RPRD2: variants seen among roughly 807,000 people sequenced by gnomAD.
RPRD2 encodes regulation of nuclear pre-mRNA domain containing 2, also known as regulation of nuclear pre-mRNA domain-containing protein 2.
In RPRD2, 12 loss-of-function variants were observed where a neutral mutation model predicts 104.4. The ratio of observed to expected loss-of-function variants is 0.11; its 90% CI spans 0.07 to 0.19. The LOEUF (loss-of-function observed/expected upper bound fraction) is 0.19, where lower values mean the gene tolerates loss of function less well. Among genes scored for constraint, RPRD2 ranks in the 10% least tolerant of loss-of-function variants. The pLI is 1.00. For synonymous variants in RPRD2, 714 were observed against 684.9 expected (o/e 1.04, Z -0.66); for missense variants, 1,543 against 1,790.1 (o/e 0.86, Z 2.49).
intron 7 of RPRD2, among the ~76,000 whole-genome samples, chr1:150,446,833 C>CTTTTTTTTTT (rs782290005): frequency 7.8e-6 from 1 of 127,512 alleles, no homozygotes; most frequent in African/African-American, 3.0e-5. Context: ...AGACCTGGGT[C>CTTTTTTTTTT]TTTTTTTTTT....
chr1:150,443,396 T>A, intron 5 of RPRD2, 113 bp downstream of exon 5: 2 of 787,400 alleles, frequency 2.5e-6, no homozygotes, highest in Non-Finnish European at 4.0e-6. Flanking sequence ...TGTCATGTTT[T>A]AAACATGCAT....
chr1:150,436,323 C>T (rs587741732), intron 2 of RPRD2, among the ~76,000 whole-genome samples: 3 of 152,138 alleles, frequency 2.0e-5, no homozygotes, highest in African/African-American at 4.8e-5. Context: ...ACAAACCGGC[C>T]GGGCATGGTG....
chr1:150,464,369 T>TC (rs35296623), intron 9 of RPRD2, among the ~76,000 whole-genome samples, 158 bp from the exon 10 acceptor site: 87 of 127,196 alleles, frequency 6.8e-4, no homozygotes, highest in Middle Eastern at 3.5e-3. Context: ...AGGGTTTTTT[T>TC]TTTTTTTTTT....
At chr1:150,405,726 TAAAC>T (rs1311409116) in intron 1 of RPRD2, among the ~76,000 whole-genome samples, 12 of 152,188 alleles carry the variant, frequency 7.9e-5, no homozygotes, top group Non-Finnish European at 1.5e-4. Flanking sequence ...ATTGTAGAAA[TAAAC>T]AGTTCATAAG....
At chr1:150,442,381 A>T (rs1430468330) in intron 4 of RPRD2, among the ~76,000 whole-genome samples, 2 of 152,102 alleles carry the variant, frequency 1.3e-5, no homozygotes, top group Admixed American at 6.6e-5. Flanking sequence ...GATTTGGGGG[A>T]TATACTCTAC....
At chr1:150,419,365 C>CA in intron 2 of RPRD2, among the ~76,000 whole-genome samples, 1 of 152,232 alleles carries the variant, frequency 6.6e-6, no homozygotes, top group South Asian at 2.1e-4. Context: ...ATGATCCTGT[C>CA]AAATTATGGA....
At chr1:150,456,627 T>TAAA (rs149595688) in intron 7 of RPRD2, among the ~76,000 whole-genome samples, 1 of 143,798 alleles carries the variant, frequency 7.0e-6, no homozygotes, top group East Asian at 2.0e-4. Context: ...AAATTTTATT[T>TAAA]AAAAAAAAAA....
intron 1 of RPRD2, among the ~76,000 whole-genome samples, chr1:150,402,221 G>A (rs1663090686): frequency 6.6e-6 from 1 of 152,158 alleles, no homozygotes; most frequent in Non-Finnish European, 1.5e-5. Flanking sequence ...GCCTCTGAAA[G>A]TGCTGGGATT....
intron 10 of RPRD2, among the ~76,000 whole-genome samples, chr1:150,470,172 T>G (rs587732097): frequency 6.6e-6 from 1 of 152,194 alleles, no homozygotes; most frequent in South Asian, 2.1e-4. Flanking sequence ...GAGAAACACT[T>G]CCACAGATCA....
intron 1 of RPRD2, among the ~76,000 whole-genome samples, chr1:150,377,833 A>G (rs1216903276): frequency 1.3e-5 from 2 of 152,134 alleles, no homozygotes; most frequent in Non-Finnish European, 2.9e-5. Flanking sequence ...TATAAAAAAT[A>G]TGAATTTATA....
intron 1 of RPRD2, among the ~76,000 whole-genome samples, chr1:150,397,954 A>G (rs782353730): frequency 6.6e-6 from 1 of 151,484 alleles, no homozygotes; most frequent in Non-Finnish European, 1.5e-5. Flanking sequence ...GCCTTGAGCA[A>G]CACACAAACA....
At chr1:150,399,629 C>T (rs782285419) in intron 1 of RPRD2, among the ~76,000 whole-genome samples, 4 of 151,436 alleles carry the variant, frequency 2.6e-5, no homozygotes, top group South Asian at 2.1e-4. Context: ...TGATGGTGGG[C>T]GCCTGTAATC....
intron 2 of RPRD2, among the ~76,000 whole-genome samples, chr1:150,423,714 C>T (rs1455069797): frequency 1.3e-5 from 2 of 151,938 alleles, no homozygotes; most frequent in African/African-American, 2.4e-5. Context: ...AGAAAATGCT[C>T]ATTGGAGCAT....
intron 5 of RPRD2, among the ~76,000 whole-genome samples, chr1:150,443,631 A>G (rs1666548775): frequency 6.6e-6 from 1 of 152,230 alleles, no homozygotes; most frequent in African/African-American, 2.4e-5. Context: ...GAGAGGCTAT[A>G]TAAATGGACC....
At chr1:150,401,004 G>A (rs1037599596) in intron 1 of RPRD2, among the ~76,000 whole-genome samples, 3 of 151,694 alleles carry the variant, frequency 2.0e-5, no homozygotes, top group Admixed American at 1.3e-4. Flanking sequence ...GTGAAACTCC[G>A]TCTCTACTAA....
Position 150,471,367 on chromosome 1 carries a change from A to G in RPRD2, c.2419A>G (p.Met807Val). ...ESPYKQPSDG[M>V]ERPSSLMDSS... ...TCCCTATAAGCAGCCTTCTGATGGAATGGAGAGACCATCTTCCCTGATGGA... is the reference window on the plus strand; with the variant it reads ...TCCCTATAAGCAGCCTTCTGATGGAGTGGAGAGACCATCTTCCCTGATGGA... The change falls in exon 11 of 11, where the codon ATG becomes GTG. Residue 807 changes from methionine to valine, a missense_variant. Coordinates refer to ENST00000369068, the MANE Select transcript of RPRD2 (RefSeq NM_015203.5). This position sits in a 1 kb window ranked among gnomAD's most constrained non-coding sequence, Gnocchi z 5.3. 6.2e-7 allele frequency: 1 copy of G among 1,613,778 alleles called. No homozygotes were observed. Among genetic ancestry groups the G allele is most frequent in the African/African-American group, 1.3e-5 (1 of 74,984 alleles).
chr1:150,403,515 A>G (rs910803604), intron 1 of RPRD2, among the ~76,000 whole-genome samples: 7 of 152,158 alleles, frequency 4.6e-5, no homozygotes, highest in Non-Finnish European at 8.8e-5. Flanking sequence ...ATCATATAGT[A>G]TCTGTTCATT....
chr1:150,388,441 TAC>T (rs1305928983), intron 1 of RPRD2, among the ~76,000 whole-genome samples: 3 of 149,966 alleles, frequency 2.0e-5, no homozygotes, highest in Admixed American at 6.7e-5. Flanking sequence ...TATACATGTA[TAC>T]ACACATATAT....
chr1:150,398,180 T>C (rs1238277776), intron 1 of RPRD2, among the ~76,000 whole-genome samples: 1 of 130,260 alleles, frequency 7.7e-6, no homozygotes, highest in Admixed American at 8.2e-5. Flanking sequence ...AATTTTTGTG[T>C]TTTTATATTT....
Sources: allele counts gnomAD v4.1 joint callset (sites outside exome capture counted in the v4.1 genomes callset), GRCh38; gene constraint gnomAD v4.1.1; non-coding constraint Gnocchi (gnomAD v3.1); transcripts MANE v1.5; gene names NCBI Gene and HGNC (gene_info 2026-07-23, HGNC 2026-07-21).